The following TTC7B variants were observed in gnomAD, a reference collection of about 807,000 sequenced individuals.
TTC7B encodes tetratricopeptide repeat protein 7B.
TTC7B carries 28 observed loss-of-function variants against 106.8 expected under a neutral mutation model. The ratio of observed to expected loss-of-function variants is 0.26; its 90% confidence interval spans 0.19 to 0.36. TTC7B has a LOEUF of 0.36. TTC7B is among the 10% of genes least tolerant of loss of function. The pLI is 1.00. For synonymous variants in TTC7B, 405 were observed against 430.6 expected (o/e 0.94, Z 0.74); for missense variants, 862 against 1,076.4 (o/e 0.80, Z 2.79).
chr14:90,656,226 A>G (rs1213377360), intron 11 of TTC7B, among the ~76,000 whole-genome samples: 2 of 152,258 alleles, frequency 1.3e-5, no homozygotes, highest in Non-Finnish European at 2.9e-5. Context: ...ATACATGGAA[A>G]AACCAAAGAG....
chr14:90,646,926 T>C (rs1033410345), intron 14 of TTC7B, 25 bp downstream of exon 14: 23 of 1,599,942 alleles, frequency 1.4e-5, no homozygotes, highest in Non-Finnish European at 2.0e-5. Context: ...GTGCAGCAAG[T>C]ATAGGAAACA....
rs146159173 is a variant in TTC7B at position 90,763,301 on chromosome 14, A to G, written c.445+17437T>C. On this transcript the variant is annotated intron_variant, in intron 3 of 19. Coordinates refer to ENST00000328459, the MANE Select transcript of TTC7B (RefSeq NM_001010854.2). ...ACAAAAATTACACGAACAATGCAATAAAAAAATTAGACAGTGTCTAAACCC... is the reference window on the plus strand; with the variant it reads ...ACAAAAATTACACGAACAATGCAATGAAAAAATTAGACAGTGTCTAAACCC... 1.4e-3 allele frequency among the ~76,000 whole-genome samples: 216 copies of G among 152,332 alleles called. 1 individual carries two copies. Among genetic ancestry groups the G allele is most frequent in the African/African-American group, 4.8e-3 (198 of 41,582 alleles).
Position 90,808,538 on chromosome 14 carries a change from A to C in TTC7B, c.121+7637T>G, listed in dbSNP as rs1388207721. Reference sequence around the variant, plus strand: ...CTGCCACCACTAGCCACACTTGATGAGCAGGGACAGACAAATCCCATGGGT... The same window carrying C: ...CTGCCACCACTAGCCACACTTGATGCGCAGGGACAGACAAATCCCATGGGT... On this transcript the variant is annotated intron_variant, in intron 1 of 19. Transcript: ENST00000328459. The surrounding 1 kb of genome is among the most constrained non-coding windows in gnomAD (Gnocchi z 4.2). Among the ~76,000 whole-genome samples the C allele has an allele frequency of 6.6e-6, 1 of 152,170 alleles. No homozygotes were observed. Among genetic ancestry groups the C allele is most frequent in the Non-Finnish European group, 1.5e-5 (1 of 68,030 alleles).
chr14:90,642,071 A>T (rs1057177068), intron 15 of TTC7B, among the ~76,000 whole-genome samples: 2 of 152,212 alleles, frequency 1.3e-5, no homozygotes, highest in East Asian at 3.8e-4. Context: ...TATTTTTTAA[A>T]GTGCTTTAAC....
At chr14:90,714,378 C>G (rs1191872001) in intron 5 of TTC7B, among the ~76,000 whole-genome samples, 4 of 151,776 alleles carry the variant, frequency 2.6e-5, no homozygotes. Context: ...AAGGAATTGA[C>G]GAACAGGCAC....
intron 6 of TTC7B, among the ~76,000 whole-genome samples, chr14:90,695,075 A>ATATT (rs1225362282): frequency 4.4e-5 from 2 of 45,406 alleles, no homozygotes; most frequent in South Asian, 7.5e-4. Flanking sequence ...TATAAAATAT[A>ATATT]TTTTATTTTA....
At chr14:90,719,887 G>A (rs116925239) in intron 5 of TTC7B, among the ~76,000 whole-genome samples, 121 of 152,314 alleles carry the variant, frequency 7.9e-4, no homozygotes, top group Non-Finnish European at 1.6e-3. Context: ...GGCTGGACAA[G>A]ATGCCTTTGA....
intron 17 of TTC7B, among the ~76,000 whole-genome samples, chr14:90,609,043 C>T (rs1428064542): frequency 6.6e-6 from 1 of 152,192 alleles, no homozygotes; most frequent in African/African-American, 2.4e-5. Flanking sequence ...CCGAGCCTCA[C>T]CTTGCAGTGG....
At position 90,528,258 on chromosome 14, in the gene TTC7B, G is replaced by T. The variant is rs1054143820; in HGVS notation, c.*13110C>A. On this transcript the variant is annotated 3_prime_UTR_variant, in exon 20 of 20. Transcript: ENST00000328459. ...CGGACAGAGAGCCTGGAGGAAGCTG[G>T]AGTCTGGGTTTCAGTGGCTACAGAC... 2 of 152,260 alleles carry T rather than the reference G, an allele frequency of 1.3e-5. No individual in the cohort carries two copies. Among genetic ancestry groups the T allele is most frequent in the African/African-American group, 4.8e-5 (2 of 41,468 alleles). 9.4% of individuals were successfully genotyped at this position (152,260 alleles called of 1,614,324 possible).
chr14:90,740,494 CTTTTTTT>C lies in TTC7B; in HGVS notation c.576+4291_576+4297del, dbSNP rs71461924. Among the ~76,000 whole-genome samples, 6 of 78,314 alleles carry C rather than the reference CTTTTTTT, an allele frequency of 7.7e-5. 1 individual carries two copies. The Admixed American group carries it at 1.2e-3, about 16-fold the overall frequency. 51.4% of individuals were successfully genotyped at this position (78,314 alleles called of 152,430 possible). A position where few individuals can be genotyped will look rare whatever the true frequency, so the allele number is the denominator to read the frequency against. ...TAAACATTCCCCTGAAATTCTTTGA[CTTTTTTT>C]TTTTTTTTTTTTTTTTTTGAGATGG... On this transcript the variant is annotated intron_variant, in intron 4 of 19. Coordinates refer to ENST00000328459, the MANE Select transcript of TTC7B (RefSeq NM_001010854.2).
rs2030578841 is a variant in TTC7B, at chr14:90,805,919, G to T, written c.121+10256C>A. Among the ~76,000 whole-genome samples the T allele has an allele frequency of 6.6e-6, 1 of 152,210 alleles. No individual in the cohort carries two copies. Among genetic ancestry groups the T allele is most frequent in the Non-Finnish European group, 1.5e-5 (1 of 68,036 alleles). ...GGCTGTGGCCTTTGCCTCTGGAAGG[G>T]ACTGCCCTTCCTCCTGGTTCCTCCC... On this transcript the variant is annotated intron_variant, in intron 1 of 19. Transcript: ENST00000328459. This position sits in a 1 kb window ranked among gnomAD's most constrained non-coding sequence, Gnocchi z 4.0.
chr14:90,603,752 C>T (rs902561030), intron 17 of TTC7B, among the ~76,000 whole-genome samples: 2 of 152,186 alleles, frequency 1.3e-5, no homozygotes, highest in Admixed American at 6.5e-5. Flanking sequence ...TGACTATCTG[C>T]TTATCCTAAC....
At position 90,677,094 on chromosome 14, in the gene TTC7B, G is replaced by T. The variant is rs1035735685; in HGVS notation, c.1015-434C>A. On this transcript the variant is annotated intron_variant, in intron 8 of 19. Coordinates refer to ENST00000328459, the MANE Select transcript of TTC7B (RefSeq NM_001010854.2). ...ATTAAAGAGTGGGAGAAAATTCCCA[G>T]CCCTGCATTTCCCAACACCCAATTG... 3.9e-5 allele frequency among the ~76,000 whole-genome samples: 6 copies of T among 152,178 alleles called. No homozygotes were observed. The East Asian group carries it at 1.2e-3, about 29-fold the overall frequency.
intron 19 of TTC7B, among the ~76,000 whole-genome samples, chr14:90,574,439 T>G (rs762241353): frequency 5.3e-5 from 8 of 152,196 alleles, no homozygotes; most frequent in Non-Finnish European, 1.2e-4. Context: ...GCTAACTCAT[T>G]ATTGCTAATA....
chr14:90,540,767 G>A lies in TTC7B; in HGVS notation c.*601C>T, dbSNP rs1424031048. ...TAAATAACTCATATTTCCTTCTCTTGTAACAGGCATATATTGGTAAAATAT... is the reference window on the plus strand; with the variant it reads ...TAAATAACTCATATTTCCTTCTCTTATAACAGGCATATATTGGTAAAATAT... On this transcript the variant is annotated 3_prime_UTR_variant, in exon 20 of 20. Transcript: ENST00000328459. The A allele has an allele frequency of 1.3e-5, 2 of 153,746 alleles. No individual in the cohort carries two copies. The highest frequency in any genetic ancestry group is 4.8e-5 in the African/African-American group (2 of 41,420). 9.5% of individuals were successfully genotyped at this position (153,746 alleles called of 1,614,324 possible). A position where few individuals can be genotyped will look rare whatever the true frequency, so the allele number is the denominator to read the frequency against.
At chr14:90,634,407 C>T (rs1884838574) in intron 15 of TTC7B, among the ~76,000 whole-genome samples, 1 of 151,754 alleles carries the variant, frequency 6.6e-6, no homozygotes, top group Non-Finnish European at 1.5e-5. Context: ...ATGGACCAAA[C>T]ACTTGAGACA....
rs1889266200 is a variant in TTC7B at position 90,530,851 on chromosome 14, TTGGGTGCAGTGTATACTGCTCGGGTGA to T, written c.*10490_*10516del. The T allele has an allele frequency of 6.6e-6, 1 of 152,218 alleles. No individual in the cohort carries two copies. The highest frequency in any genetic ancestry group is 2.4e-5 in the African/African-American group (1 of 41,444). The allele number at this position is 152,218 out of a possible 1,614,324, so 9.4% of individuals were successfully genotyped here. A position where few individuals can be genotyped will look rare whatever the true frequency, so the allele number is the denominator to read the frequency against. On this transcript the variant is annotated 3_prime_UTR_variant, in exon 20 of 20. Transcript: ENST00000328459. ...AAGACAGGAAATGTGCGTTGTTTTATTGGGTGCAGTGTATACTGCTCGGGTGATGGGTGCACCAAAATCTCACAAATC... is the reference window on the plus strand; with the variant it reads ...AAGACAGGAAATGTGCGTTGTTTTATTGGGTGCACCAAAATCTCACAAATC...
chr14:90,545,152 G>T (rs1254044680), intron 19 of TTC7B, among the ~76,000 whole-genome samples: 1 of 152,128 alleles, frequency 6.6e-6, no homozygotes, highest in Non-Finnish European at 1.5e-5. Flanking sequence ...GCCCAGGTCT[G>T]CTTGGTCCTA....
chr14:90,632,683 C>G (rs1884753090), intron 15 of TTC7B, among the ~76,000 whole-genome samples: 1 of 152,200 alleles, frequency 6.6e-6, no homozygotes, highest in Non-Finnish European at 1.5e-5. Flanking sequence ...TGGTTACGAG[C>G]ACAGATGGCG....
Sources: allele counts gnomAD v4.1 joint callset (sites outside exome capture counted in the v4.1 genomes callset), GRCh38; gene constraint gnomAD v4.1.1; non-coding constraint Gnocchi (gnomAD v3.1); transcripts MANE v1.5; gene names NCBI Gene and HGNC (gene_info 2026-07-23, HGNC 2026-07-21).